EPHB2: variants seen among roughly 807,000 people sequenced by gnomAD.
The protein encoded by EPHB2 is ephrin type-B receptor 2.
EPHB2 carries 18 observed loss-of-function variants against 96.4 expected under a neutral mutation model. The observed-to-expected ratio is 0.19, with a 90% CI of 0.13 to 0.28. EPHB2 has a LOEUF of 0.28. Among genes scored for constraint, EPHB2 ranks in the 10% least tolerant of loss-of-function variants. The pLI, the probability that EPHB2 is intolerant of heterozygous loss-of-function variation, is 1.00. For missense variants in EPHB2, 989 were observed against 1,355.4 expected (o/e 0.73, Z 4.25); for synonymous variants, 506 against 534.1 (o/e 0.95, Z 0.72).
chr1:22,726,981 G>A (rs1381621506), intron 1 of EPHB2, among the ~76,000 whole-genome samples: 1 of 152,224 alleles, frequency 6.6e-6, no homozygotes, highest in East Asian at 1.9e-4. Context: ...GAAAGGGGTA[G>A]GTTTGTATGA....
chr1:22,711,212 C>T (rs1052822763), intron 1 of EPHB2, among the ~76,000 whole-genome samples, 169 bp downstream of exon 1: 18 of 146,388 alleles, frequency 1.2e-4, no homozygotes, highest in Admixed American at 2.0e-4. Flanking sequence ...GAGCGGGCCC[C>T]GCGGGCGCCC....
intron 3 of EPHB2, among the ~76,000 whole-genome samples, chr1:22,818,089 C>T (rs1257701509): frequency 6.6e-6 from 1 of 150,656 alleles, no homozygotes; most frequent in Non-Finnish European, 1.5e-5. Context: ...AGACACTTAA[C>T]CTCTCTGATC....
At chr1:22,821,977 G>A (rs1645158430) in intron 3 of EPHB2, among the ~76,000 whole-genome samples, 1 of 151,884 alleles carries the variant, frequency 6.6e-6, no homozygotes, top group Non-Finnish European at 1.5e-5. Flanking sequence ...GGATAAGGGA[G>A]AAAAAAAACT....
chr1:22,837,536 A>G lies in EPHB2; in HGVS notation c.812-25501A>G, dbSNP rs554816618. On this transcript the variant is annotated intron_variant, in intron 3 of 15. Transcript: ENST00000374630. ...GAGAAAGTTGAGTCACAGGAGACCA[A>G]GTAACATACCCAGAGTTGCACATTG... Among the ~76,000 whole-genome samples the G allele has an allele frequency of 2.0e-4, 30 of 152,342 alleles. No individual in the cohort carries two copies. In the South Asian group the frequency reaches 6.0e-3, roughly 31 times the overall value.
At chr1:22,798,627 G>C (rs1644800265) in intron 3 of EPHB2, among the ~76,000 whole-genome samples, 1 of 152,122 alleles carries the variant, frequency 6.6e-6, no homozygotes, top group African/African-American at 2.4e-5. Flanking sequence ...GTCTGGGTCT[G>C]TGCAGACCCG....
intron 9 of EPHB2, among the ~76,000 whole-genome samples, chr1:22,898,599 G>C (rs537904117): frequency 6.6e-6 from 1 of 152,292 alleles, no homozygotes; most frequent in Admixed American, 6.5e-5. Flanking sequence ...GTTCTGAGCA[G>C]AGGGATGACA....
At chr1:22,864,091 G>A (rs1406643877) in intron 4 of EPHB2, among the ~76,000 whole-genome samples, 2 of 146,760 alleles carry the variant, frequency 1.4e-5, no homozygotes, top group Non-Finnish European at 3.0e-5. Context: ...CCCAGGCTCT[G>A]GAATGCAATG....
At chr1:22,893,554 A>G (rs1639459906) in intron 7 of EPHB2, among the ~76,000 whole-genome samples, 1 of 152,180 alleles carries the variant, frequency 6.6e-6, no homozygotes, top group Non-Finnish European at 1.5e-5. Context: ...CTGGAACTAC[A>G]TGGTCTCTAA....
At chr1:22,812,575 G>C (rs1244667879) in intron 3 of EPHB2, among the ~76,000 whole-genome samples, 1 of 152,198 alleles carries the variant, frequency 6.6e-6, no homozygotes, top group Non-Finnish European at 1.5e-5. Context: ...AGGCAGGAGG[G>C]AGGGGACTTC....
rs1216642818 is a variant in EPHB2 at position 22,714,263 on chromosome 1, G to T, written c.61+3220G>T. Reference sequence around the variant, plus strand: ...CAGGTGCACTTGAGGACAGAACAGGGTTATTTCATCTTTTATGCTGTTATG... The same window carrying T: ...CAGGTGCACTTGAGGACAGAACAGGTTTATTTCATCTTTTATGCTGTTATG... On this transcript the variant is annotated intron_variant, in intron 1 of 15. Transcript: ENST00000374630. Among the ~76,000 whole-genome samples, 5 of 152,226 alleles carry T rather than the reference G, an allele frequency of 3.3e-5. No individual in the cohort carries two copies. In the East Asian group the frequency reaches 9.7e-4, roughly 29 times the overall value.
chr1:22,890,929 C>A (rs1171013338), intron 6 of EPHB2, among the ~76,000 whole-genome samples: 1 of 152,188 alleles, frequency 6.6e-6, no homozygotes, highest in African/African-American at 2.4e-5. Flanking sequence ...AATTTCACTT[C>A]TTTCCTTTAT....
In EPHB2 at chr1:22,910,419, C is replaced by T. The variant is rs753443717; in HGVS notation, c.2540C>T (p.Pro847Leu). The T allele has an allele frequency of 5.6e-6, 9 of 1,614,096 alleles. No individual in the cohort carries two copies. Among genetic ancestry groups the T allele is most frequent in the East Asian group, 2.2e-5 (1 of 44,892 alleles). The change falls in exon 14 of 16, where the codon CCG (proline) becomes CTG (leucine). Residue 847 changes from proline (P) to leucine (L), a missense_variant. Transcript: ENST00000374630. ...NAIEQDYRLP[P>L]PMDCPSALHQ... Reference sequence around the variant, plus strand: ...ATTGAGCAGGACTATCGGCTGCCACCGCCCATGGACTGCCCGAGCGCCCTG... The same window carrying T: ...ATTGAGCAGGACTATCGGCTGCCACTGCCCATGGACTGCCCGAGCGCCCTG...
chr1:22,752,828 G>A (rs552434236), intron 1 of EPHB2, among the ~76,000 whole-genome samples: 7 of 152,170 alleles, frequency 4.6e-5, no homozygotes, highest in South Asian at 2.1e-4. Flanking sequence ...CTGTCGCCCC[G>A]GCTGGAGTGC....
chr1:22,907,837 G>A, intron 11 of EPHB2, 116 bp from the exon 12 acceptor site: 1 of 1,304,842 alleles, frequency 7.7e-7, no homozygotes, highest in South Asian at 1.2e-5. Flanking sequence ...TCCTTCCCCA[G>A]GGGAGCCCAG....
chr1:22,749,653 C>G (rs892507994), intron 1 of EPHB2, among the ~76,000 whole-genome samples: 16 of 152,244 alleles, frequency 1.1e-4, no homozygotes, highest in African/African-American at 3.9e-4. Flanking sequence ...AGGTATTGGG[C>G]CCAGGATGGA....
intron 5 of EPHB2, among the ~76,000 whole-genome samples, chr1:22,876,413 A>G (rs1638837676): frequency 6.6e-6 from 1 of 152,054 alleles, no homozygotes; most frequent in African/African-American, 2.4e-5. Flanking sequence ...AAGGAAACGG[A>G]GGCACACAGA....
At chr1:22,902,710 A>G (rs750867187) in intron 9 of EPHB2, among the ~76,000 whole-genome samples, 7 of 152,244 alleles carry the variant, frequency 4.6e-5, no homozygotes, top group Non-Finnish European at 1.0e-4. Context: ...AGGGTAAACT[A>G]AGCCCTCACG....
At chr1:22,720,519 C>A (rs889542249) in intron 1 of EPHB2, among the ~76,000 whole-genome samples, 1 of 152,054 alleles carries the variant, frequency 6.6e-6, no homozygotes, top group African/African-American at 2.4e-5. Context: ...ATCTAGACGC[C>A]CCCTTACTGG....
At chr1:22,842,262 C>T (rs767647604) in intron 3 of EPHB2, among the ~76,000 whole-genome samples, 1 of 152,114 alleles carries the variant, frequency 6.6e-6, no homozygotes, top group Non-Finnish European at 1.5e-5. Context: ...CGAGTCCTTG[C>T]AGAGAGGCGG....
Sources: gnomAD v4.1 joint callset for allele counts (sites outside exome capture counted in the v4.1 genomes callset) on GRCh38, gnomAD v4.1.1 for gene constraint, MANE v1.5 for transcripts, NCBI Gene and HGNC (gene_info 2026-07-23, HGNC 2026-07-21) for gene names.